STOX1: variants seen among roughly 807,000 people sequenced by gnomAD.
STOX1 encodes the protein storkhead-box protein 1.
In STOX1, 57 loss-of-function variants were observed where a neutral mutation model predicts 74.8. The observed-to-expected ratio is 0.76, with a 90% CI of 0.62 to 0.95. STOX1 has a LOEUF of 0.95. STOX1 is among the 40% of genes least tolerant of loss of function. STOX1 has a pLI of 0.00. For synonymous variants in STOX1, 375 were observed against 401.3 expected, an observed-to-expected ratio of 0.93 and a Z score of 0.78; for missense variants, 1,010 against 1,117.0, an observed-to-expected ratio of 0.90 and a Z score of 1.37.
At chr10:68,876,150 A>G (rs1389590039) in intron 1 of STOX1, among the ~76,000 whole-genome samples, 1 of 60,574 alleles carries the variant, frequency 1.7e-5, no homozygotes, top group African/African-American at 6.7e-5. Flanking sequence ...ATATATATAT[A>G]TATATATTCT....
rs139315279 is a variant in STOX1, at chr10:68,858,885, T to A, written c.311-23073T>A. 3.9e-5 allele frequency among the ~76,000 whole-genome samples: 6 copies of A among 152,192 alleles called. No individual in the cohort carries two copies. In the East Asian group the frequency reaches 7.7e-4, roughly 20 times the overall value. ...TTGGTAACGTATATGTATATGTGTA[T>A]AGTCTGGGCTAAATGGTAGCACTAC... On this transcript the variant is annotated intron_variant, in intron 1 of 3. Transcript: ENST00000298596.
chr10:68,894,835 C>T (rs1841165319), downstream of STOX1, among the ~76,000 whole-genome samples: 1 of 152,180 alleles, frequency 6.6e-6, no homozygotes, highest in African/African-American at 2.4e-5. Flanking sequence ...AAGTGATCCT[C>T]CCACTTTAGC....
intron 1 of STOX1, among the ~76,000 whole-genome samples, chr10:68,866,851 G>T (rs1008920437): frequency 6.6e-6 from 1 of 152,132 alleles, no homozygotes; most frequent in Admixed American, 6.5e-5. Context: ...GGTTTGGAAC[G>T]GGGCCCAGGA....
intron 1 of STOX1, among the ~76,000 whole-genome samples, chr10:68,847,131 G>T (rs1219989424): frequency 6.6e-6 from 1 of 152,138 alleles, no homozygotes; most frequent in African/African-American, 2.4e-5. Context: ...AGGAATTCAG[G>T]TGCTTGAAAA....
At chr10:68,882,196 T>A in intron 2 of STOX1, 86 bp downstream of exon 2, 1 of 1,334,102 alleles carries the variant, frequency 7.5e-7, no homozygotes, top group Non-Finnish European at 1.1e-6. Flanking sequence ...ATAAACTGGG[T>A]GATATCCTTT....
chr10:68,851,022 A>T (rs1463433273), intron 1 of STOX1, among the ~76,000 whole-genome samples: 1 of 151,616 alleles, frequency 6.6e-6, no homozygotes, highest in Non-Finnish European at 1.5e-5. Context: ...AAAAAAAGCA[A>T]GAGAGGCCAG....
intron 1 of STOX1, among the ~76,000 whole-genome samples, chr10:68,844,685 A>G (rs1589218733): frequency 6.6e-6 from 1 of 152,286 alleles, no homozygotes; most frequent in Middle Eastern, 3.4e-3. Context: ...TTCTTCATAT[A>G]TTTTAGATAC....
At chr10:68,829,126 T>C (rs1264087699) in intron 1 of STOX1, 1 of 323,244 alleles carries the variant, frequency 3.1e-6, no homozygotes, top group Admixed American at 6.5e-5. Flanking sequence ...GGAACCCCTC[T>C]GTATTAGTCC....
intron 1 of STOX1, among the ~76,000 whole-genome samples, chr10:68,856,719 C>A (rs1198228953): frequency 6.6e-6 from 1 of 152,128 alleles, no homozygotes; most frequent in South Asian, 2.1e-4. Context: ...TAGACCCACT[C>A]TGGCTGAGGG....
At chr10:68,841,493 T>C (rs997764064) in intron 1 of STOX1, among the ~76,000 whole-genome samples, 4 of 152,214 alleles carry the variant, frequency 2.6e-5, no homozygotes, top group Admixed American at 6.5e-5. Context: ...CCTCCATTTT[T>C]ACATAAATGT....
At chr10:68,848,823 C>A (rs796839652) in intron 1 of STOX1, among the ~76,000 whole-genome samples, 1 of 152,148 alleles carries the variant, frequency 6.6e-6, no homozygotes, top group Admixed American at 6.5e-5. Flanking sequence ...TGCTACCATG[C>A]CTGGCTAATT....
chr10:68,851,817 G>T (rs1798873039), intron 1 of STOX1, among the ~76,000 whole-genome samples: 1 of 151,962 alleles, frequency 6.6e-6, no homozygotes, highest in Non-Finnish European at 1.5e-5. Flanking sequence ...CTCCAGCCTA[G>T]GCAACAGAGC....
chr10:68,883,712 C>T (rs1463046063), intron 2 of STOX1, among the ~76,000 whole-genome samples: 1 of 150,390 alleles, frequency 6.6e-6, no homozygotes, highest in African/African-American at 2.5e-5. Context: ...CCATGCCTGG[C>T]CTATTCCTAT....
chr10:68,829,799 G>A (rs1839360207), intron 1 of STOX1, among the ~76,000 whole-genome samples: 1 of 152,122 alleles, frequency 6.6e-6, no homozygotes, highest in African/African-American at 2.4e-5. Flanking sequence ...TTACTTGCAG[G>A]AGTGAAGAAA....
At chr10:68,850,549 A>G (rs1367705514) in intron 1 of STOX1, among the ~76,000 whole-genome samples, 2 of 152,232 alleles carry the variant, frequency 1.3e-5, no homozygotes, top group African/African-American at 4.8e-5. Context: ...GCACTTTGCA[A>G]AGACAGTGCC....
chr10:68,841,236 T>G (rs1268290207), intron 1 of STOX1, among the ~76,000 whole-genome samples: 1 of 152,214 alleles, frequency 6.6e-6, no homozygotes, highest in Non-Finnish European at 1.5e-5. Context: ...TGAGCCACCA[T>G]GCCCGGCCTG....
intron 1 of STOX1, among the ~76,000 whole-genome samples, chr10:68,879,464 C>T (rs142376080): frequency 4.7e-4 from 71 of 152,310 alleles, no homozygotes; most frequent in African/African-American, 1.5e-3. Context: ...GCTAGCCTCT[C>T]TACTTACGCC....
intron 1 of STOX1, among the ~76,000 whole-genome samples, chr10:68,861,309 A>G (rs2133560138): frequency 6.6e-6 from 1 of 152,290 alleles, no homozygotes; most frequent in Middle Eastern, 3.4e-3. Flanking sequence ...CTTCAGAAGA[A>G]CAAAGGGACA....
intron 1 of STOX1, among the ~76,000 whole-genome samples, chr10:68,828,817 G>A (rs1287619007): frequency 6.6e-6 from 1 of 152,188 alleles, no homozygotes; most frequent in Non-Finnish European, 1.5e-5. Flanking sequence ...GGGAAAACAA[G>A]TAGCGTCTCA....
Sources: gnomAD v4.1 joint callset for allele counts (sites outside exome capture counted in the v4.1 genomes callset) on GRCh38, gnomAD v4.1.1 for gene constraint, MANE v1.5 for transcripts, NCBI Gene and HGNC (gene_info 2026-07-23, HGNC 2026-07-21) for gene names.